Variants in METTL25B observed in about 807,000 individuals in gnomAD.
METTL25B encodes methyltransferase-like protein 25B.
In METTL25B, 38 loss-of-function variants were observed where a neutral mutation model predicts 48.4. The ratio of observed to expected loss-of-function variants is 0.78; its 90% CI spans 0.61 to 1.03. The LOEUF is 1.03. Ranked by LOEUF, METTL25B falls within the 50% of genes least tolerant of loss-of-function variation. The pLI is 0.00. For synonymous variants in METTL25B, 230 were observed against 254.5 expected, an observed-to-expected ratio of 0.90 and a Z score of 0.92; for missense variants, 537 against 603.7, an observed-to-expected ratio of 0.89 and a Z score of 1.16.
At chr1:156,732,536 A>T in intron 3 of METTL25B, 63 bp downstream of exon 3, 1 of 1,526,858 alleles carries the variant, frequency 6.5e-7, no homozygotes, top group Non-Finnish European at 8.9e-7. Flanking sequence ...AGCCTGGCTT[A>T]CAAATATGTG....
intron 1 of METTL25B, among the ~76,000 whole-genome samples, chr1:156,729,741 C>G (rs192734579): frequency 6.6e-6 from 1 of 152,308 alleles, no homozygotes; most frequent in East Asian, 1.9e-4. Flanking sequence ...AATCCTGCCT[C>G]CCCTATGATG....
chr1:156,734,196 C>T lies in METTL25B; in HGVS notation c.824C>T (p.Pro275Leu). 1.2e-6 allele frequency: 2 copies of T among 1,614,216 alleles called. No individual in the cohort carries two copies. The highest frequency in any genetic ancestry group is 1.7e-6 in the Non-Finnish European group (2 of 1,180,040). The part of the protein sequence containing the change: ...VALLRHFSCC[P>L]EVVALASVGC... The stretch of plus-strand genomic sequence containing the variant: ...TTGCTGAGACACTTCTCCTGCTGTC[C>T]TGAGGTGGTGGCCCTGGCCTCAGTG... Residue 275 changes from proline (P) to leucine (L), a missense_variant, in exon 6 of 8, where the codon CCT becomes CTT. Physicochemically the swap from Pro to Leu is moderately conservative, Grantham distance 98. Coordinates refer to ENST00000368216, the MANE Select transcript of METTL25B (RefSeq NM_015997.4).
In METTL25B at chr1:156,733,532, C is replaced by G. The variant is rs1468066512; in HGVS notation, c.636+12C>G. On this transcript the variant is annotated intron_variant, in intron 5 of 7. Coordinates refer to ENST00000368216, the MANE Select transcript of METTL25B (RefSeq NM_015997.4). The stretch of plus-strand genomic sequence containing the variant: ...AGAGGAACCCGCAGGTAGGCCAACC[C>G]TTCCTGCGACCTGGACTGCAGGAGC... The G allele has an allele frequency of 1.2e-6, 2 of 1,612,768 alleles. No individual in the cohort carries two copies. The highest frequency in any genetic ancestry group is 8.5e-7 in the Non-Finnish European group (1 of 1,179,792).
chr1:156,733,409 G>A lies in METTL25B; in HGVS notation c.525G>A (p.Leu175=), dbSNP rs767169539. 6.2e-7 allele frequency: 1 copy of A among 1,614,076 alleles called. No individual in the cohort carries two copies. The highest frequency in any genetic ancestry group is 8.5e-7 in the Non-Finnish European group (1 of 1,179,964). ...GHLSRFMALG[L]GLMVKSIEGD... is the part of the protein sequence containing the mutation. ...TCTCCCGCTTCATGGCTCTTGGCCT[G>A]GGGTTGATGGTGAAGAGCATCGAAG... Residue 175 remains leucine (L), a synonymous_variant, in exon 5 of 8, where the codon CTG becomes CTA. Transcript: ENST00000368216.
chr1:156,732,113 C>T lies in METTL25B; in HGVS notation c.234C>T (p.Val78=). 1 of 1,614,144 alleles carries T rather than the reference C, an allele frequency of 6.2e-7. No individual in the cohort carries two copies. The highest frequency in any genetic ancestry group is 1.1e-5 in the South Asian group (1 of 91,062). The part of the protein sequence containing the change: ...LLGMPGEGEV[V]RYRSVWPLTL... ...GGATGCCTGGGGAAGGGGAGGTCGTCAGGTATGGGCTAGAAGGTCCCTGTG... is the reference window on the plus strand; with the variant it reads ...GGATGCCTGGGGAAGGGGAGGTCGTTAGGTATGGGCTAGAAGGTCCCTGTG... The change falls in exon 2 of 8, where the codon GTC becomes GTT. Residue 78 remains valine, a splice_region_variant and synonymous_variant. Transcript: ENST00000368216.
intron 5 of METTL25B, 43 bp downstream of exon 5, chr1:156,733,563 C>T: frequency 6.3e-7 from 1 of 1,599,068 alleles, no homozygotes; most frequent in South Asian, 1.1e-5. Flanking sequence ...GGAGCAGGGG[C>T]TGCTTGGCTG....
chr1:156,732,872 C>T, intron 3 of METTL25B, 113 bp from the exon 4 acceptor site: 1 of 905,368 alleles, frequency 1.1e-6, no homozygotes, highest in Non-Finnish European at 1.8e-6. Context: ...ACATCCAGGG[C>T]ACCCTCTGTC....
At position 156,733,491 on chromosome 1, in the gene METTL25B, C is replaced by G; in HGVS notation, c.607C>G (p.Leu203Val). ...CCTGGACCAGGAGCTTCTGCAGGCTCTGGAGAAAGAGGAGAAGAGGAACCC... is the reference window on the plus strand; with the variant it reads ...CCTGGACCAGGAGCTTCTGCAGGCTGTGGAGAAAGAGGAGAAGAGGAACCC... ...QRLDQELLQALEKEEKRNPQV... is the reference protein window; with the variant it reads ...QRLDQELLQAVEKEEKRNPQV... Residue 203 changes from leucine to valine, a missense_variant, in exon 5 of 8, where the codon CTG becomes GTG. Physicochemically the swap from Leu to Val is conservative, Grantham distance 32 (BLOSUM62 1). Transcript: ENST00000368216. 6.2e-7 allele frequency: 1 copy of G among 1,614,128 alleles called. No individual in the cohort carries two copies. Among genetic ancestry groups the G allele is most frequent in the South Asian group, 1.1e-5 (1 of 91,090 alleles).
intron 1 of METTL25B, chr1:156,729,458 G>C (rs1278372859): frequency 6.3e-6 from 2 of 318,486 alleles, no homozygotes; most frequent in South Asian, 7.9e-5. Context: ...ACGGAGTCTC[G>C]CTCTGTCCCC....
At position 156,732,449 on chromosome 1, in the gene METTL25B, G is replaced by A. The variant is rs1312654171; in HGVS notation, c.405G>A (p.Gln135=). The A allele has an allele frequency of 1.9e-6, 3 of 1,613,880 alleles. No individual in the cohort carries two copies. Among genetic ancestry groups the A allele is most frequent in the Non-Finnish European group, 2.5e-6 (3 of 1,180,042 alleles). Residue 135 remains glutamine (Q), a synonymous_variant, in exon 3 of 8, where the codon CAG becomes CAA. Coordinates refer to ENST00000368216, the MANE Select transcript of METTL25B (RefSeq NM_015997.4). ...GGAAACATGTCAGGCCCAAGAAGCA[G>A]CATGAGATCCGGAGGCTGGGAGAGG... is the stretch of plus-strand genomic sequence containing the variant. ...PFRKHVRPKK[Q]HEIRRLGELV...
Position 156,732,050 on chromosome 1 carries a change from T to G in METTL25B, c.171T>G (p.Asp57Glu). ...TLPCSWQEAL[D>E]GLKPPQLATM... ...CTTGCTCATGGCAGGAAGCATTGGA[T>G]GGACTGAAACCACCACAGCTGGCCA... The change falls in exon 2 of 8, where the codon GAT becomes GAG. Residue 57 changes from aspartate (D) to glutamate (E), a missense_variant. By Grantham distance (45) the Asp-to-Glu change is conservative (BLOSUM62 2). Transcript: ENST00000368216. 1 of 1,614,198 alleles carries G rather than the reference T, an allele frequency of 6.2e-7. No individual in the cohort carries two copies. Among genetic ancestry groups the G allele is most frequent in the Non-Finnish European group, 8.5e-7 (1 of 1,180,026 alleles).
chr1:156,734,035 C>T lies in METTL25B; in HGVS notation c.663C>T (p.Ser221=). The part of the protein sequence containing the change: ...PQVVQTSPRH[S]PHHVVRWVDP... ...TGGTCCAAACCAGCCCTCGTCACTCCCCACACCACGTGGTTAGGTGGGTAG... is the reference window on the plus strand; with the variant it reads ...TGGTCCAAACCAGCCCTCGTCACTCTCCACACCACGTGGTTAGGTGGGTAG... The change falls in exon 6 of 8, where the codon TCC becomes TCT. Residue 221 remains serine (S), a synonymous_variant. Transcript: ENST00000368216. 1 of 1,610,128 alleles carries T rather than the reference C, an allele frequency of 6.2e-7. No homozygotes were observed. Among genetic ancestry groups the T allele is most frequent in the South Asian group, 1.1e-5 (1 of 90,712 alleles).
At position 156,729,082 on chromosome 1, in the gene METTL25B, CGCGCTCCCT is replaced by C. The variant is rs1278684098; in HGVS notation, c.-20_-12del. 1 of 1,450,788 alleles carries C rather than the reference CGCGCTCCCT, an allele frequency of 6.9e-7. No homozygotes were observed. Among genetic ancestry groups the C allele is most frequent in the Non-Finnish European group, 9.6e-7 (1 of 1,042,976 alleles). The allele number at this position is 1,450,788 out of a possible 1,614,324, so 89.9% of individuals were successfully genotyped here. On this transcript the variant is annotated 5_prime_UTR_variant, in exon 1 of 8. Transcript: ENST00000368216. ...CCCTGTTCACTGCGTTCTCGCTCCCCGCGCTCCCTGCTGGACCCCGGGATGCCGGGCATC... is the reference window on the plus strand; with the variant it reads ...CCCTGTTCACTGCGTTCTCGCTCCCCGCTGGACCCCGGGATGCCGGGCATC...
chr1:156,736,583 G>A (rs1649823796), intron 7 of METTL25B, 49 bp from the exon 8 acceptor site: 2 of 1,610,598 alleles, frequency 1.2e-6, no homozygotes, highest in Non-Finnish European at 8.5e-7. Context: ...AGAAGAGGCT[G>A]AGTGAGTTTG....
chr1:156,734,597 T>C (rs1353288845), intron 6 of METTL25B, 104 bp downstream of exon 6: 1 of 1,267,304 alleles, frequency 7.9e-7, no homozygotes, highest in Non-Finnish European at 1.1e-6. Context: ...AGTGGAGCGA[T>C]CTCGGCTCAC....
intron 3 of METTL25B, 130 bp downstream of exon 3, chr1:156,732,603 A>G (rs970003674): frequency 8.5e-6 from 7 of 818,952 alleles, no homozygotes; most frequent in Non-Finnish European, 1.3e-5. Context: ...ACCTCAACAG[A>G]CATAACTAAT....
chr1:156,735,950 C>T (rs748195302), intron 7 of METTL25B, 41 bp downstream of exon 7: 2 of 1,517,462 alleles, frequency 1.3e-6, no homozygotes, highest in Non-Finnish European at 1.8e-6. Context: ...ACTATAGTGA[C>T]TGGGGTTCTG....
chr1:156,736,462 C>A, intron 7 of METTL25B, 170 bp from the exon 8 acceptor site: 1 of 675,742 alleles, frequency 1.5e-6, no homozygotes, highest in Admixed American at 2.6e-5. Flanking sequence ...AAGAGGACTG[C>A]CTCCCAAGTC....
chr1:156,734,518 G>C, intron 6 of METTL25B, 25 bp downstream of exon 6: 2 of 1,518,976 alleles, frequency 1.3e-6, no homozygotes, highest in East Asian at 2.4e-5. Context: ...CGGGTGGGGG[G>C]CAGTGGAGAG....
Sources: gnomAD v4.1 joint callset for allele counts (sites outside exome capture counted in the v4.1 genomes callset) on GRCh38, gnomAD v4.1.1 for gene constraint, MANE v1.5 for transcripts, NCBI Gene and HGNC (gene_info 2026-07-23, HGNC 2026-07-21) for gene names.